The following GRID1 variants were observed in gnomAD, a reference collection of about 807,000 sequenced individuals.
The protein encoded by GRID1 is glutamate ionotropic receptor delta type subunit 1.
GRID1 carries 28 observed loss-of-function variants against 98.0 expected under a neutral mutation model. That is an observed-to-expected ratio of 0.29 (90% CI 0.21 to 0.39). GRID1 has a LOEUF of 0.39. GRID1 is among the 10% of genes least tolerant of loss of function. GRID1 has a pLI of 1.00. For synonymous variants in GRID1, 553 were observed against 538.5 expected (o/e 1.03, Z -0.37); for missense variants, 1,111 against 1,340.5 (o/e 0.83, Z 2.67).
At chr10:85,711,002 T>C (rs996917737) in intron 12 of GRID1, among the ~76,000 whole-genome samples, 8 of 152,058 alleles carry the variant, frequency 5.3e-5, no homozygotes, top group Admixed American at 3.3e-4. Flanking sequence ...TTGGAGAAAT[T>C]GGATTTCTTG....
chr10:86,359,389 T>A (rs1564748330), intron 2 of GRID1, among the ~76,000 whole-genome samples: 1 of 152,180 alleles, frequency 6.6e-6, no homozygotes, highest in Non-Finnish European at 1.5e-5. Context: ...GATACCAGTG[T>A]GGCCAGTGAG....
At chr10:86,242,427 C>T (rs926521315) in intron 2 of GRID1, among the ~76,000 whole-genome samples, 1 of 152,200 alleles carries the variant, frequency 6.6e-6, no homozygotes, top group African/African-American at 2.4e-5. Context: ...CCACACTTCC[C>T]CTCCCAGGAC....
At chr10:85,620,400 G>C (rs1308774301) in intron 13 of GRID1, among the ~76,000 whole-genome samples, 2 of 152,206 alleles carry the variant, frequency 1.3e-5, no homozygotes, top group African/African-American at 2.4e-5. Flanking sequence ...AGGTGACTGA[G>C]ATTCTGAGAT....
chr10:86,049,966 A>G (rs970312051), intron 4 of GRID1, among the ~76,000 whole-genome samples: 12 of 152,180 alleles, frequency 7.9e-5, no homozygotes, highest in African/African-American at 2.9e-4. Flanking sequence ...TTAAACACCC[A>G]CCAGAGAGCT....
chr10:86,302,250 C>T (rs1350171961), intron 2 of GRID1, among the ~76,000 whole-genome samples: 2 of 152,232 alleles, frequency 1.3e-5, no homozygotes, highest in Non-Finnish European at 2.9e-5. Context: ...GGCCACCATG[C>T]CTTCTTGGGA....
Position 85,602,180 on chromosome 10 carries a change from C to A in GRID1, c.*93G>T. The A allele has an allele frequency of 3.0e-6, 2 of 675,288 alleles. No individual in the cohort carries two copies. The highest frequency in any genetic ancestry group is 4.9e-6 in the Non-Finnish European group (2 of 411,984). 41.8% of individuals were successfully genotyped at this position (675,288 alleles called of 1,614,324 possible). ...GAGTCTCTGTGTATGTGTGTGTGTG[C>A]GAGTGTGTGTGGTTTGTGTTGTTGT... On this transcript the variant is annotated 3_prime_UTR_variant, in exon 16 of 16. Transcript: ENST00000327946.
At chr10:85,880,338 A>T (rs1840987388) in intron 5 of GRID1, among the ~76,000 whole-genome samples, 1 of 152,168 alleles carries the variant, frequency 6.6e-6, no homozygotes, top group Non-Finnish European at 1.5e-5. Flanking sequence ...ATTTTAGACC[A>T]ATATCCTTGA....
At chr10:86,128,546 T>C (rs7077851) in intron 4 of GRID1, among the ~76,000 whole-genome samples, 64,465 of 151,938 alleles carry the variant, frequency 0.42, 16,756 homozygotes, top group African/African-American at 0.73. Context: ...ATGTGAGTAA[T>C]GCACTGGGGA....
chr10:85,795,630 A>G (rs1007249441), intron 8 of GRID1, among the ~76,000 whole-genome samples: 1 of 152,224 alleles, frequency 6.6e-6, no homozygotes, highest in Non-Finnish European at 1.5e-5. Context: ...AACAATTACC[A>G]GGAAACAGGA....
Position 85,604,563 on chromosome 10 carries a change from G to A in GRID1, c.2602-1862C>T, listed in dbSNP as rs369280988. ...TCACCTCTGCATGGCAAGTGTCGTCGGGAAATTGTGGGAACTGGCTGGAGA... is the reference window on the plus strand; with the variant it reads ...TCACCTCTGCATGGCAAGTGTCGTCAGGAAATTGTGGGAACTGGCTGGAGA... On this transcript the variant is annotated intron_variant, in intron 15 of 15. Transcript: ENST00000327946. Among the ~76,000 whole-genome samples the A allele has an allele frequency of 1.6e-3, 239 of 152,228 alleles. 3 individuals carry two copies. Among genetic ancestry groups the A allele is most frequent in the African/African-American group, 5.4e-3 (226 of 41,532 alleles).
At chr10:85,876,047 C>T (rs938177502) in intron 5 of GRID1, among the ~76,000 whole-genome samples, 7 of 152,148 alleles carry the variant, frequency 4.6e-5, no homozygotes, top group Non-Finnish European at 2.9e-5. Context: ...AATTCTAAGT[C>T]GACTACTATT....
At chr10:86,213,935 A>G (rs1456291049) in intron 2 of GRID1, among the ~76,000 whole-genome samples, 1 of 152,070 alleles carries the variant, frequency 6.6e-6, no homozygotes, top group Non-Finnish European at 1.5e-5. Context: ...AGCCACCACC[A>G]GGCCTGAATG....
At chr10:85,651,829 T>G (rs1843275047) in intron 12 of GRID1, among the ~76,000 whole-genome samples, 1 of 152,220 alleles carries the variant, frequency 6.6e-6, no homozygotes, top group Non-Finnish European at 1.5e-5. Flanking sequence ...GCTGCCTATC[T>G]TCTTACTTCA....
intron 5 of GRID1, among the ~76,000 whole-genome samples, chr10:85,890,071 G>T (rs1434882977): frequency 7.2e-5 from 11 of 151,852 alleles, no homozygotes; most frequent in Middle Eastern, 3.2e-3. Context: ...TTAGCTATCT[G>T]AAATGATATA....
At chr10:85,743,944 G>C (rs1287553478) in intron 8 of GRID1, among the ~76,000 whole-genome samples, 1 of 152,106 alleles carries the variant, frequency 6.6e-6, no homozygotes, top group East Asian at 1.9e-4. Context: ...TTTTCAAGCA[G>C]AATTTAAATA....
intron 4 of GRID1, among the ~76,000 whole-genome samples, chr10:86,035,360 T>A (rs2131895542): frequency 6.6e-6 from 1 of 152,360 alleles, no homozygotes; most frequent in South Asian, 2.1e-4. Context: ...TTCCAAAGGT[T>A]GATTAATAAT....
intron 14 of GRID1, among the ~76,000 whole-genome samples, chr10:85,614,998 C>T (rs541910258): frequency 6.6e-6 from 1 of 152,164 alleles, no homozygotes; most frequent in East Asian, 1.9e-4. Flanking sequence ...CCTCTGAGTT[C>T]TCTGGGTATG....
chr10:85,691,144 CT>C (rs1243290887), intron 12 of GRID1, among the ~76,000 whole-genome samples: 1 of 152,222 alleles, frequency 6.6e-6, no homozygotes, highest in Non-Finnish European at 1.5e-5. Flanking sequence ...CAGCAAGCCA[CT>C]GTGCTAACAC....
At chr10:85,999,812 G>C (rs1240121452) in intron 4 of GRID1, among the ~76,000 whole-genome samples, 2 of 152,082 alleles carry the variant, frequency 1.3e-5, no homozygotes, top group African/African-American at 4.8e-5. Context: ...AACTAAAAGA[G>C]AACTTCCTCA....
Sources: gnomAD v4.1 joint callset for allele counts (sites outside exome capture counted in the v4.1 genomes callset) on GRCh38, gnomAD v4.1.1 for gene constraint, MANE v1.5 for transcripts, NCBI Gene and HGNC (gene_info 2026-07-23, HGNC 2026-07-21) for gene names.